MYO5B: variants seen among roughly 807,000 people sequenced by gnomAD.
The protein encoded by MYO5B is myosin VB.
In MYO5B, 143 loss-of-function variants were observed where a neutral mutation model predicts 229.3. The observed-to-expected ratio is 0.62, with a 90% CI of 0.54 to 0.72. The LOEUF (loss-of-function observed/expected upper bound fraction) is 0.72, where lower values mean the gene tolerates loss of function less well. Ranked by LOEUF, MYO5B falls within the 30% of genes least tolerant of loss-of-function variation. The probability of loss-of-function intolerance (pLI) is 0.00; values close to 1 mark genes in which losing one functional copy is unlikely to be tolerated. For missense variants in MYO5B, 2,321 were observed against 2,331.0 expected, an observed-to-expected ratio of 1.00 and a Z score of 0.09; for synonymous variants, 918 against 885.2, an observed-to-expected ratio of 1.04 and a Z score of -0.66.
At chr18:50,063,221 G>C (rs1229233123) in intron 1 of MYO5B, among the ~76,000 whole-genome samples, 1 of 152,158 alleles carries the variant, frequency 6.6e-6, no homozygotes, top group Non-Finnish European at 1.5e-5. Context: ...CCAGCGGCGA[G>C]CCATGCTTCT....
chr18:49,880,551 G>T, intron 22 of MYO5B, 96 bp from the exon 23 acceptor site: 1 of 952,312 alleles, frequency 1.1e-6, no homozygotes, highest in Non-Finnish European at 1.7e-6. Context: ...ACATGTAAAT[G>T]CTCTTTTTAA....
At chr18:50,159,804 C>T (rs895801196) in intron 1 of MYO5B, among the ~76,000 whole-genome samples, 1 of 152,188 alleles carries the variant, frequency 6.6e-6, no homozygotes, top group Non-Finnish European at 1.5e-5. Context: ...TGCATCCTCC[C>T]CAGCACCCCC....
At chr18:50,189,281 G>A (rs1369841538) in intron 1 of MYO5B, among the ~76,000 whole-genome samples, 1 of 152,166 alleles carries the variant, frequency 6.6e-6, no homozygotes, top group African/African-American at 2.4e-5. Context: ...ACTGGTAGGG[G>A]AGTAGAGAAG....
At chr18:49,939,970 T>C (rs947243309) in intron 14 of MYO5B, among the ~76,000 whole-genome samples, 2 of 151,308 alleles carry the variant, frequency 1.3e-5, no homozygotes, top group African/African-American at 2.4e-5. Context: ...TCTTCATGTA[T>C]GGCTACAGGT....
chr18:50,076,805 C>T (rs78503787), intron 1 of MYO5B, among the ~76,000 whole-genome samples: 4,390 of 152,118 alleles, frequency 0.029, 80 homozygotes, highest in Non-Finnish European at 0.045. Context: ...TATTCCCAAT[C>T]GGGTGAAGTA....
At chr18:49,942,697 T>A (rs2025330673) in intron 14 of MYO5B, among the ~76,000 whole-genome samples, 1 of 151,488 alleles carries the variant, frequency 6.6e-6, no homozygotes, top group Non-Finnish European at 1.5e-5. Context: ...ATGGCGATCA[T>A]TAAAAAGTCA....
At chr18:50,146,994 T>C (rs1208390338) in intron 1 of MYO5B, among the ~76,000 whole-genome samples, 1 of 152,200 alleles carries the variant, frequency 6.6e-6, no homozygotes, top group African/African-American at 2.4e-5. Flanking sequence ...CCCTGTCCCA[T>C]AAGGAGCATC....
chr18:49,840,986 G>GT (rs1176419254), intron 35 of MYO5B, among the ~76,000 whole-genome samples: 2 of 152,222 alleles, frequency 1.3e-5, no homozygotes, highest in Non-Finnish European at 2.9e-5. Context: ...AGGAGACAGG[G>GT]TGACCCACTA....
intron 38 of MYO5B, 51 bp downstream of exon 38, chr18:49,836,660 C>T (rs772419530): frequency 6.2e-7 from 1 of 1,605,980 alleles, no homozygotes; most frequent in Admixed American, 1.7e-5. Context: ...TTGGAATGGA[C>T]TCAGGGCTTC....
intron 1 of MYO5B, among the ~76,000 whole-genome samples, chr18:50,173,279 A>G (rs906642004): frequency 2.7e-5 from 4 of 148,622 alleles, no homozygotes; most frequent in African/African-American, 9.9e-5. Context: ...AAACAGAAGA[A>G]AAAAAAAAAA....
chr18:50,080,848 T>G (rs1457031502), intron 1 of MYO5B, among the ~76,000 whole-genome samples: 1 of 152,184 alleles, frequency 6.6e-6, no homozygotes, highest in East Asian at 1.9e-4. Flanking sequence ...GAGGTGTTCA[T>G]GCAGCAGGGA....
rs541518798 is a variant in MYO5B, at chr18:50,039,622, C to T, written c.310+521G>A. Among the ~76,000 whole-genome samples the T allele has an allele frequency of 3.9e-5, 6 of 152,256 alleles. 1 individual carries two copies. In the South Asian group the frequency reaches 1.0e-3, roughly 26 times the overall value. ...CTGGGATTACAGGCGTGAGCCACTG[C>T]GCCCGGCGGAAAGGAAAAGTTTTAA... is the stretch of plus-strand genomic sequence containing the variant. On this transcript the variant is annotated intron_variant, in intron 3 of 39. Transcript: ENST00000285039.
In MYO5B at chr18:49,936,162, C is replaced by T. The variant is rs987007217; in HGVS notation, c.2003+90G>A. 1.1e-5 allele frequency: 12 copies of T among 1,116,040 alleles called. No individual in the cohort carries two copies. In the African/African-American group the frequency reaches 1.4e-4, roughly 13 times the overall value. 69.1% of individuals were successfully genotyped at this position (1,116,040 alleles called of 1,614,324 possible). On this transcript the variant is annotated intron_variant, in intron 16 of 39. Transcript: ENST00000285039. ...GTCCAGGTGGTCATCATGCTGAAGG[C>T]CACAGACCCCCAGGCAAGGCCTGGG...
At position 50,078,983 on chromosome 18, in the gene MYO5B, ATAC is replaced by A. The variant is rs2031152002; in HGVS notation, c.28-23608_28-23606del. Among the ~76,000 whole-genome samples the A allele has an allele frequency of 3.9e-5, 6 of 152,368 alleles. No homozygotes were observed. In the South Asian group the frequency reaches 1.2e-3, roughly 32 times the overall value. On this transcript the variant is annotated intron_variant, in intron 1 of 39. Transcript: ENST00000285039. ...ATTTATAATGTGGACATAAGAATAC[ATAC>A]TAAACTATTCCATTTGCAGAAATTT...
At chr18:50,023,524 G>T (rs1005426089) in intron 4 of MYO5B, among the ~76,000 whole-genome samples, 1 of 152,190 alleles carries the variant, frequency 6.6e-6, no homozygotes, top group Non-Finnish European at 1.5e-5. Context: ...CTCTTCTCTG[G>T]CCAGTTGAGT....
intron 1 of MYO5B, among the ~76,000 whole-genome samples, chr18:50,060,044 C>T (rs369401982): frequency 1.3e-5 from 2 of 152,156 alleles, no homozygotes. Flanking sequence ...AGAAAGGATT[C>T]GGAGGGGAAG....
chr18:49,910,076 G>A (rs189787236), intron 18 of MYO5B, among the ~76,000 whole-genome samples: 10 of 152,322 alleles, frequency 6.6e-5, no homozygotes, highest in East Asian at 3.9e-4. Flanking sequence ...GGAAGCAGGA[G>A]GGAGAAGCTG....
intron 27 of MYO5B, among the ~76,000 whole-genome samples, chr18:49,870,148 A>G (rs983662776): frequency 2.0e-5 from 3 of 152,200 alleles, no homozygotes; most frequent in Non-Finnish European, 2.9e-5. Context: ...CAATAACTCC[A>G]GAAGGAGATC....
At chr18:49,910,793 A>G (rs1898520541) in intron 18 of MYO5B, among the ~76,000 whole-genome samples, 2 of 152,136 alleles carry the variant, frequency 1.3e-5, no homozygotes, top group South Asian at 2.1e-4. Context: ...AGATGGATAG[A>G]TTTTCCGAAC....
Sources: gnomAD v4.1 joint callset for allele counts (sites outside exome capture counted in the v4.1 genomes callset) on GRCh38, gnomAD v4.1.1 for gene constraint, MANE v1.5 for transcripts, NCBI Gene and HGNC (gene_info 2026-07-23, HGNC 2026-07-21) for gene names.